Variants in ANKRD27 observed in about 807,000 individuals in gnomAD.
ANKRD27 encodes ankyrin repeat domain-containing protein 27.
A neutral mutation model predicts 129.7 loss-of-function variants in ANKRD27; 112 were observed. The ratio of observed to expected loss-of-function variants is 0.86; its 90% CI spans 0.74 to 1.01. The LOEUF is 1.01. ANKRD27 is among the 50% of genes least tolerant of loss of function. ANKRD27 has a pLI of 0.00. For synonymous variants in ANKRD27, 516 were observed against 511.2 expected (o/e 1.01, Z -0.13); for missense variants, 1,258 against 1,300.5 (o/e 0.97, Z 0.50).
At chr19:32,646,900 A>G (rs1374705696) in intron 3 of ANKRD27, among the ~76,000 whole-genome samples, 1 of 152,180 alleles carries the variant, frequency 6.6e-6, no homozygotes, top group African/African-American at 2.4e-5. Flanking sequence ...ACCTCGGCTC[A>G]CTGCAACCTC....
At chr19:32,606,007 T>C in intron 23 of ANKRD27, 53 bp from the exon 24 acceptor site, 2 of 1,508,296 alleles carry the variant, frequency 1.3e-6, no homozygotes, top group East Asian at 4.9e-5. Flanking sequence ...TGTCATTTCC[T>C]GCCAGAGAAA....
At chr19:32,657,510 C>T (rs1031714744) in intron 2 of ANKRD27, among the ~76,000 whole-genome samples, 3 of 151,254 alleles carry the variant, frequency 2.0e-5, no homozygotes, top group South Asian at 4.2e-4. Context: ...GCCTGTAATC[C>T]CGGCTACTCA....
At chr19:32,617,547 T>C (rs999733944) in intron 21 of ANKRD27, 42 bp downstream of exon 21, 3 of 732,514 alleles carry the variant, frequency 4.1e-6, no homozygotes, top group Non-Finnish European at 5.0e-6. Context: ...ACCCTGTCTC[T>C]AAAAAATAAA....
chr19:32,615,483 C>T lies in ANKRD27; in HGVS notation c.2175+175G>A, dbSNP rs530244312. Among the ~76,000 whole-genome samples, 912 of 152,216 alleles carry T rather than the reference C, an allele frequency of 6.0e-3. 20 individuals carry two copies. The highest frequency in any genetic ancestry group is 4.8e-3 in the Non-Finnish European group (324 of 68,014). ...CCTGTGGTCTCAGCTAGTCAGGACA[C>T]TGAGGTGAGAGGATCATTTGAGCCC... On this transcript the variant is annotated intron_variant, in intron 22 of 28. Transcript: ENST00000306065.
At chr19:32,616,228 T>C (rs938285465) in intron 21 of ANKRD27, among the ~76,000 whole-genome samples, 1 of 152,014 alleles carries the variant, frequency 6.6e-6, no homozygotes, top group African/African-American at 2.4e-5. Context: ...CTAGGGCACT[T>C]AGTGAGCACC....
At chr19:32,625,261 T>C (rs1972071454) in intron 17 of ANKRD27, among the ~76,000 whole-genome samples, 1 of 151,842 alleles carries the variant, frequency 6.6e-6, no homozygotes, top group Non-Finnish European at 1.5e-5. Context: ...GTCTCAAAAA[T>C]AAATAATAAG....
intron 2 of ANKRD27, among the ~76,000 whole-genome samples, chr19:32,656,059 AAAAG>A (rs752509674): frequency 0.019 from 1,233 of 65,572 alleles, 16 homozygotes; most frequent in Admixed American, 0.052. Flanking sequence ...GAAAAGAAAG[AAAAG>A]AAAGAAAGAA....
chr19:32,599,896 A>C (rs1369492869), intron 27 of ANKRD27, 76 bp downstream of exon 27: 12 of 1,518,628 alleles, frequency 7.9e-6, no homozygotes, highest in African/African-American at 1.4e-5. Context: ...AACCAATTAC[A>C]ATTGAAGCAG....
At chr19:32,602,225 C>T in intron 25 of ANKRD27, 99 bp from the exon 26 acceptor site, 1 of 744,278 alleles carries the variant, frequency 1.3e-6, no homozygotes, top group Non-Finnish European at 2.2e-6. Context: ...TGTGACTGGG[C>T]AGAAAAAGCT....
Position 32,646,615 on chromosome 19 carries a change from C to T in ANKRD27, c.214G>A (p.Asp72Asn). Residue 72 changes from aspartate to asparagine, a missense_variant and splice_region_variant, in exon 4 of 29, where the codon GAT becomes AAT. Coordinates refer to ENST00000306065, the MANE Select transcript of ANKRD27 (RefSeq NM_032139.3). ...ATCCTGTTCCCTTGAATAAAGACAT[C>T]CTGGAAACAAGAAAGCCATCACTGC... ...EEHFQTLNGK[D>N]VFIQGNRIKL... The T allele has an allele frequency of 1.2e-6, 2 of 1,611,506 alleles. No homozygotes were observed. Among genetic ancestry groups the T allele is most frequent in the Non-Finnish European group, 1.7e-6 (2 of 1,179,124 alleles).
intron 2 of ANKRD27, among the ~76,000 whole-genome samples, chr19:32,655,597 T>G (rs2145314357): frequency 6.6e-6 from 1 of 152,314 alleles, no homozygotes; most frequent in South Asian, 2.1e-4. Context: ...AAGCACTTAG[T>G]TGGCCAGGCA....
intron 1 of ANKRD27, among the ~76,000 whole-genome samples, chr19:32,668,558 G>A (rs1314413316): frequency 6.7e-6 from 1 of 148,856 alleles, no homozygotes; most frequent in Admixed American, 6.8e-5. Flanking sequence ...CTACAGCCTT[G>A]ACCTCCTGGG....
intron 22 of ANKRD27, chr19:32,608,507 T>A (rs1374508345): frequency 5.7e-4 from 122 of 212,416 alleles, no homozygotes; most frequent in South Asian, 1.6e-3. Context: ...GTTACCTCTT[T>A]AAAAAAAAAA....
At chr19:32,599,632 T>G in intron 28 of ANKRD27, 72 bp downstream of exon 28, 1 of 1,383,676 alleles carries the variant, frequency 7.2e-7, no homozygotes, top group Non-Finnish European at 1.0e-6. Context: ...AGGAGACGTG[T>G]TTACCATGGA....
intron 24 of ANKRD27, 47 bp from the exon 25 acceptor site, chr19:32,604,471 G>A (rs1231019596): frequency 6.5e-7 from 1 of 1,545,696 alleles, no homozygotes; most frequent in Non-Finnish European, 8.8e-7. Context: ...CGAAACGTCA[G>A]CATGGAATCT....
At chr19:32,625,415 T>C (rs1972073387) in intron 17 of ANKRD27, among the ~76,000 whole-genome samples, 1 of 150,242 alleles carries the variant, frequency 6.7e-6, no homozygotes. Context: ...ATATGGCATC[T>C]GTAATATATT....
chr19:32,659,142 T>G, intron 1 of ANKRD27, 97 bp from the exon 2 acceptor site: 9 of 537,518 alleles, frequency 1.7e-5, no homozygotes, highest in East Asian at 7.5e-5. Flanking sequence ...TCTTTTTCTT[T>G]TTTTTTTTTT....
chr19:32,628,283 G>T, intron 14 of ANKRD27, 118 bp from the exon 15 acceptor site: 2 of 777,510 alleles, frequency 2.6e-6, no homozygotes, highest in Non-Finnish European at 2.1e-6. Flanking sequence ...TGCCACCCAA[G>T]AGATGTGTGT....
rs534574905 is a variant in ANKRD27, at chr19:32,662,947, C to T, written c.-30-3902G>A. Among the ~76,000 whole-genome samples the T allele has an allele frequency of 3.9e-5, 6 of 152,242 alleles. No homozygotes were observed. The East Asian group carries it at 1.2e-3, about 29-fold the overall frequency. ...ATCCCAGCTACTTGGGAGGCTGAGG[C>T]AGGAGAATCACTTGAACCCAGGAGG... is the stretch of plus-strand genomic sequence containing the variant. On this transcript the variant is annotated intron_variant, in intron 1 of 28. Transcript: ENST00000306065.
Sources: allele counts gnomAD v4.1 joint callset (sites outside exome capture counted in the v4.1 genomes callset), GRCh38; gene constraint gnomAD v4.1.1; transcripts MANE v1.5; gene names NCBI Gene and HGNC (gene_info 2026-07-23, HGNC 2026-07-21).